The following CCDC150 variants were observed in gnomAD, a reference collection of about 807,000 sequenced individuals.
CCDC150 encodes the protein coiled-coil domain containing 150.
Under a neutral mutation model 156.5 loss-of-function variants are expected in CCDC150, and 151 were observed. That is an observed-to-expected ratio of 0.97 (90% CI 0.85 to 1.10). The LOEUF (loss-of-function observed/expected upper bound fraction) is 1.10, where lower values mean the gene tolerates loss of function less well. CCDC150 is among the 50% of genes least tolerant of loss of function. The pLI is 0.00. For missense variants in CCDC150, 1,312 were observed against 1,268.1 expected, an observed-to-expected ratio of 1.03 and a Z score of -0.53; for synonymous variants, 452 against 429.4, an observed-to-expected ratio of 1.05 and a Z score of -0.65.
intron 14 of CCDC150, among the ~76,000 whole-genome samples, chr2:196,697,370 G>T (rs1385990704): frequency 6.6e-6 from 1 of 151,780 alleles, no homozygotes; most frequent in Non-Finnish European, 1.5e-5. Context: ...CATTACCACT[G>T]GCAGTCACGC....
At chr2:196,657,805 C>T (rs554999571) in intron 4 of CCDC150, among the ~76,000 whole-genome samples, 2 of 152,110 alleles carry the variant, frequency 1.3e-5, no homozygotes, top group African/African-American at 4.8e-5. Flanking sequence ...TTATTATCCC[C>T]ATTTTTTAAC....
At chr2:196,709,428 C>G (rs1435174121) in intron 15 of CCDC150, among the ~76,000 whole-genome samples, 2 of 152,118 alleles carry the variant, frequency 1.3e-5, no homozygotes, top group African/African-American at 4.8e-5. Flanking sequence ...AGGTTTTTAG[C>G]TTCCTTGCAA....
intron 15 of CCDC150, among the ~76,000 whole-genome samples, chr2:196,706,548 T>C (rs1156455540): frequency 6.6e-6 from 1 of 152,220 alleles, no homozygotes; most frequent in African/African-American, 2.4e-5. Flanking sequence ...TACAATACTA[T>C]GTTGAATAGG....
chr2:196,660,265 A>G (rs1038796375), intron 5 of CCDC150, among the ~76,000 whole-genome samples: 3 of 152,206 alleles, frequency 2.0e-5, no homozygotes, highest in Non-Finnish European at 2.9e-5. Context: ...TAAAGCTGCT[A>G]TAAACATTGT....
rs745461501 is a variant in CCDC150 at position 196,658,834 on chromosome 2, C to A, written c.619C>A (p.Arg207Ser). The A allele has an allele frequency of 1.2e-6, 2 of 1,604,910 alleles. No individual in the cohort carries two copies. Among genetic ancestry groups the A allele is most frequent in the Admixed American group, 3.4e-5 (2 of 58,918 alleles). ...TGAAGAGGAACTGAAGACCACAAAA[C>A]GTAAAATGAACCTTAAAATTCAAGA... is the stretch of plus-strand genomic sequence containing the variant. ...IIEEELKTTK[R>S]KMNLKIQELR... The change falls in exon 5 of 28, where the codon CGT becomes AGT. Residue 207 changes from arginine to serine, a missense_variant. Coordinates refer to ENST00000389175, the MANE Select transcript of CCDC150 (RefSeq NM_001080539.2).
chr2:196,715,020 A>T (rs1018449543), intron 17 of CCDC150, among the ~76,000 whole-genome samples: 1 of 152,138 alleles, frequency 6.6e-6, no homozygotes, highest in Non-Finnish European at 1.5e-5. Context: ...AGATGTGGGG[A>T]AAAGACATCC....
intron 7 of CCDC150, among the ~76,000 whole-genome samples, chr2:196,669,034 A>C (rs896556424): frequency 6.6e-6 from 1 of 152,182 alleles, no homozygotes; most frequent in Admixed American, 6.5e-5. Flanking sequence ...CTCTCAGATA[A>C]GTTTACACTT....
intron 1 of CCDC150, among the ~76,000 whole-genome samples, chr2:196,645,212 C>T (rs916048736): frequency 3.3e-5 from 5 of 152,124 alleles, no homozygotes; most frequent in African/African-American, 9.7e-5. Context: ...AAGAAACATC[C>T]TCAGCGGGTA....
At chr2:196,655,276 C>CT (rs1475942610) in intron 2 of CCDC150, among the ~76,000 whole-genome samples, 1 of 152,212 alleles carries the variant, frequency 6.6e-6, no homozygotes, top group African/African-American at 2.4e-5. Context: ...ATATCTACCT[C>CT]TTTGTTTTCT....
intron 2 of CCDC150, among the ~76,000 whole-genome samples, chr2:196,651,146 T>G (rs535244762): frequency 3.3e-4 from 51 of 152,360 alleles, no homozygotes; most frequent in African/African-American, 1.2e-3. Flanking sequence ...CAATTTAATT[T>G]TTACTGCATG....
Position 196,657,061 on chromosome 2 carries a change from A to G in CCDC150, c.501A>G (p.Val167=). ...VMNLRQQLRA[V]KEEEDKAQDE... ...ATTTGCGCCAGCAACTGAGAGCTGT[A>G]AAAGAGGAAGAAGACAAGGCACAAG... Residue 167 remains valine, a synonymous_variant, in exon 4 of 28, where the codon GTA becomes GTG. Transcript: ENST00000389175. 1 of 1,613,884 alleles carries G rather than the reference A, an allele frequency of 6.2e-7. No homozygotes were observed.
intron 20 of CCDC150, 142 bp from the exon 21 acceptor site, chr2:196,721,380 G>C (rs1309284308): frequency 9.5e-6 from 2 of 211,486 alleles, no homozygotes; most frequent in Non-Finnish European, 1.5e-5. Flanking sequence ...TTTCCAGGCA[G>C]CTGGAATCTT....
intron 13 of CCDC150, among the ~76,000 whole-genome samples, chr2:196,690,101 C>T (rs1695364338): frequency 6.6e-6 from 1 of 152,030 alleles, no homozygotes; most frequent in African/African-American, 2.4e-5. Flanking sequence ...TGGAAATCAT[C>T]ATTCTCAGTA....
intron 5 of CCDC150, among the ~76,000 whole-genome samples, chr2:196,665,033 T>TA (rs1181775558): frequency 6.6e-6 from 1 of 152,256 alleles, no homozygotes; most frequent in East Asian, 1.9e-4. Flanking sequence ...TACTGCAGGA[T>TA]AAAAAATATG....
chr2:196,691,802 G>A (rs956379931), intron 13 of CCDC150, among the ~76,000 whole-genome samples: 2 of 152,082 alleles, frequency 1.3e-5, no homozygotes, highest in South Asian at 2.1e-4. Flanking sequence ...TTAGCCAGGC[G>A]TGGTGGCATG....
chr2:196,713,509 A>T (rs954077544), intron 17 of CCDC150: 7 of 1,550,518 alleles, frequency 4.5e-6, no homozygotes, highest in Non-Finnish European at 6.1e-6. Context: ...TGAGCTTTGC[A>T]CCTAACCTGC....
At chr2:196,721,496 A>AT (rs1489099249) in intron 20 of CCDC150, 26 bp from the exon 21 acceptor site, 1 of 1,572,548 alleles carries the variant, frequency 6.4e-7, no homozygotes, top group African/African-American at 1.4e-5. Context: ...TTACAGTGGA[A>AT]TTGAAAACAT....
intron 22 of CCDC150, chr2:196,727,760 C>T (rs1012720933): frequency 6.6e-6 from 1 of 152,262 alleles, no homozygotes; most frequent in South Asian, 2.1e-4. Context: ...TGCCTGTAAT[C>T]CCAGCACTTT....
intron 14 of CCDC150, 52 bp downstream of exon 14, chr2:196,695,211 A>C (rs1415376302): frequency 1.4e-5 from 13 of 923,442 alleles, no homozygotes; most frequent in Non-Finnish European, 2.2e-5. Flanking sequence ...ATGAGTTCAG[A>C]AATAACAACA....
Sources: allele counts gnomAD v4.1 joint callset (sites outside exome capture counted in the v4.1 genomes callset), GRCh38; gene constraint gnomAD v4.1.1; transcripts MANE v1.5; gene names NCBI Gene and HGNC (gene_info 2026-07-23, HGNC 2026-07-21).